The following ZNF280C variants were observed in gnomAD, a reference collection of about 807,000 sequenced individuals.
ZNF280C encodes zinc finger protein 280C, also known as suppressor of hairy wing homolog 3.
A neutral mutation model predicts 53.6 loss-of-function variants in ZNF280C; 14 were observed. The observed-to-expected ratio is 0.26, with a 90% confidence interval of 0.17 to 0.41. The LOEUF is 0.41. ZNF280C is among the 10% of genes least tolerant of loss of function. The probability of loss-of-function intolerance (pLI) is 1.00; values close to 1 mark genes in which losing one functional copy is unlikely to be tolerated. For missense variants in ZNF280C, 416 were observed against 547.1 expected, an observed-to-expected ratio of 0.76 and a Z score of 2.39; for synonymous variants, 203 against 181.1, an observed-to-expected ratio of 1.12 and a Z score of -0.97.
Position 130,215,865 on chromosome X carries a change from T to A in ZNF280C, c.1764A>T (p.Lys588Asn). ...SKPRGRIAKS[K>N]AKPSYKQKRQ... Reference sequence around the variant, plus strand: ...GCTTTTGCTTGTAAGAGGGTTTTGCTTTGGACTTAGCTATACGTCCCCTTG... The same window carrying A: ...GCTTTTGCTTGTAAGAGGGTTTTGCATTGGACTTAGCTATACGTCCCCTTG... The change falls in exon 14 of 19, where the codon AAA (lysine) becomes AAT (asparagine). Residue 588 changes from lysine (K) to asparagine (N), a missense_variant. Lys to Asn is a moderately conservative substitution (Grantham distance 94). This residue lies in a region of ZNF280C where 151 missense variants were observed against 176.9 expected (regional missense o/e 0.85). Coordinates refer to ENST00000370978, the MANE Select transcript of ZNF280C (RefSeq NM_017666.5). The A allele has an allele frequency of 8.3e-7, 1 of 1,212,036 alleles. No homozygotes were observed. The highest frequency in any genetic ancestry group is 1.1e-6 in the Non-Finnish European group (1 of 895,520).
intron 15 of ZNF280C, among the ~76,000 whole-genome samples, chrX:130,211,077 T>A (rs2032034921): frequency 8.9e-6 from 1 of 112,181 alleles, no homozygotes; most frequent in African/African-American, 3.2e-5. Context: ...AGACACAAGG[T>A]AACCATCACC....
chrX:130,247,070 A>G, intron 2 of ZNF280C, 65 bp from the exon 3 acceptor site: 1 of 996,547 alleles, frequency 1.0e-6, no homozygotes. Flanking sequence ...TGTGCAATAC[A>G]TAGTATGATA....
chrX:130,239,634 C>T lies in ZNF280C; in HGVS notation c.441G>A (p.Ser147=), dbSNP rs766124613. 2.5e-6 allele frequency: 3 copies of T among 1,203,998 alleles called. No homozygotes were observed. The highest frequency in any genetic ancestry group is 1.8e-5 in the South Asian group (1 of 55,975). ...GGGATGGTGGTAGTGATTCCTGGGT[C>T]GAGTCAAACAGTAAAATTGAAGAAT... The part of the protein sequence containing the change: ...SDNSSILLFD[S]TQESLPPSQD... Residue 147 remains serine (S), a synonymous_variant, in exon 6 of 19, where the codon TCG becomes TCA. Transcript: ENST00000370978.
At chrX:130,215,659 CT>C in intron 14 of ZNF280C, 131 bp downstream of exon 14, 1 of 641,590 alleles carries the variant, frequency 1.6e-6, no homozygotes, top group Non-Finnish European at 2.2e-6. Flanking sequence ...TAAAAAGTAC[CT>C]TTTTCTCATT....
In ZNF280C at chrX:130,203,601, T is replaced by G; in HGVS notation, c.*1376A>C. 9.0e-6 allele frequency: 1 copy of G among 111,441 alleles called. No homozygotes were observed. 9.2% of individuals were successfully genotyped at this position (111,441 alleles called of 1,213,427 possible). Reference sequence around the variant, plus strand: ...TGGCGTGAACCCAGGAGGCGGAGCTTGCAGTGAGCCAAGATCGCGCCACTG... The same window carrying G: ...TGGCGTGAACCCAGGAGGCGGAGCTGGCAGTGAGCCAAGATCGCGCCACTG... On this transcript the variant is annotated 3_prime_UTR_variant, in exon 19 of 19. Transcript: ENST00000370978.
chrX:130,268,215 T>G (rs900463422), intron 1 of ZNF280C, among the ~76,000 whole-genome samples: 12 of 111,487 alleles, frequency 1.1e-4, no homozygotes, highest in Admixed American at 1.0e-3. Context: ...GGGAAGTCCC[T>G]TTGGCCAGAA....
intron 16 of ZNF280C, among the ~76,000 whole-genome samples, chrX:130,208,483 A>C (rs1691517780): frequency 9.0e-6 from 1 of 110,854 alleles, no homozygotes; most frequent in Non-Finnish European, 1.9e-5. Flanking sequence ...ACTCAAGTTG[A>C]AAAAAAAGCA....
intron 8 of ZNF280C, among the ~76,000 whole-genome samples, chrX:130,232,494 T>A (rs926241518): frequency 9.1e-6 from 1 of 110,301 alleles, no homozygotes; most frequent in Non-Finnish European, 1.9e-5. Context: ...TACAACTCAA[T>A]AGCAAAAAAC....
intron 13 of ZNF280C, among the ~76,000 whole-genome samples, chrX:130,216,389 C>T (rs900707906): frequency 4.5e-5 from 5 of 111,796 alleles, no homozygotes; most frequent in Non-Finnish European, 9.4e-5. Context: ...GAAGAAAATA[C>T]AGTAGTAAAT....
chrX:130,249,292 T>C (rs765799291), intron 2 of ZNF280C, among the ~76,000 whole-genome samples: 13 of 111,877 alleles, frequency 1.2e-4, no homozygotes, highest in African/African-American at 3.6e-4. Context: ...CAGAAGCCAC[T>C]AGCACCCTGC....
At chrX:130,247,051 A>C (rs1195699805) in intron 2 of ZNF280C, 46 bp from the exon 3 acceptor site, 1 of 1,128,423 alleles carries the variant, frequency 8.9e-7, no homozygotes, top group Non-Finnish European at 1.2e-6. Flanking sequence ...CAAAGAGAAA[A>C]ATATTTTCTG....
At chrX:130,205,748 G>A (rs962637590) in intron 16 of ZNF280C, among the ~76,000 whole-genome samples, 1 of 109,232 alleles carries the variant, frequency 9.2e-6, no homozygotes, top group Non-Finnish European at 1.9e-5. Flanking sequence ...GCATCATGGC[G>A]TGAGTCTGTA....
intron 2 of ZNF280C, among the ~76,000 whole-genome samples, chrX:130,250,797 C>CA (rs903168335): frequency 8.9e-6 from 1 of 111,749 alleles, no homozygotes; most frequent in African/African-American, 3.3e-5. Flanking sequence ...AGAGACACAA[C>CA]AAAAAAATAA....
intron 15 of ZNF280C, among the ~76,000 whole-genome samples, chrX:130,211,745 G>A (rs979204299): frequency 8.9e-6 from 1 of 111,819 alleles, no homozygotes; most frequent in Non-Finnish European, 1.9e-5. Context: ...TGTTATGAAG[G>A]TAACTTTAGG....
chrX:130,241,278 G>A (rs182301412), intron 5 of ZNF280C, among the ~76,000 whole-genome samples: 15 of 111,912 alleles, frequency 1.3e-4, no homozygotes, highest in Non-Finnish European at 2.6e-4. Flanking sequence ...CAATTCATTC[G>A]AGAATATCTG....
intron 14 of ZNF280C, 120 bp from the exon 15 acceptor site, chrX:130,215,453 T>A: frequency 1.4e-6 from 1 of 709,070 alleles, no homozygotes; most frequent in Non-Finnish European, 2.0e-6. Flanking sequence ...TTAAGTAGAC[T>A]CATAATTTCA....
chrX:130,214,570 C>T (rs912250923), intron 15 of ZNF280C, among the ~76,000 whole-genome samples: 3 of 111,118 alleles, frequency 2.7e-5, no homozygotes, highest in Non-Finnish European at 5.7e-5. Flanking sequence ...TCTAGGACCT[C>T]CTGCAGGTAT....
Position 130,203,632 on chromosome X carries a change from C to T in ZNF280C, c.*1345G>A, listed in dbSNP as rs2031938656. 1 of 111,388 alleles carries T rather than the reference C, an allele frequency of 9.0e-6. No individual in the cohort carries two copies. Among genetic ancestry groups the T allele is most frequent in the Non-Finnish European group, 1.9e-5 (1 of 53,014 alleles). 9.2% of individuals were successfully genotyped at this position (111,388 alleles called of 1,213,427 possible). On this transcript the variant is annotated 3_prime_UTR_variant, in exon 19 of 19. Coordinates refer to ENST00000370978, the MANE Select transcript of ZNF280C (RefSeq NM_017666.5). The stretch of plus-strand genomic sequence containing the variant: ...GAGCCAAGATCGCGCCACTGCACTC[C>T]AGCCTGGGTGACAGAGCAAGACTCT...
At chrX:130,254,617 T>A (rs2032546260) in intron 2 of ZNF280C, among the ~76,000 whole-genome samples, 1 of 111,622 alleles carries the variant, frequency 9.0e-6, no homozygotes, top group Middle Eastern at 4.2e-3. Flanking sequence ...GGAACATGGA[T>A]GGAGCTGGAG....
Sources: allele counts gnomAD v4.1 joint callset (sites outside exome capture counted in the v4.1 genomes callset), GRCh38; gene constraint gnomAD v4.1.1; regional missense constraint gnomAD v4.1.1; transcripts MANE v1.5; gene names NCBI Gene and HGNC (gene_info 2026-07-23, HGNC 2026-07-21).